TBC1D12: variants seen among roughly 807,000 people sequenced by gnomAD.
The protein encoded by TBC1D12 is TBC1 domain family, member 12.
TBC1D12 carries 56 observed loss-of-function variants against 86.7 expected under a neutral mutation model. The ratio of observed to expected loss-of-function variants is 0.65; its 90% CI spans 0.52 to 0.81. The LOEUF is 0.81. TBC1D12 is among the 30% of genes least tolerant of loss of function. The pLI is 0.00. For synonymous variants in TBC1D12, 421 were observed against 411.7 expected, an observed-to-expected ratio of 1.02 and a Z score of -0.27; for missense variants, 1,023 against 1,038.8, an observed-to-expected ratio of 0.98 and a Z score of 0.21.
At chr10:94,515,372 G>A (rs1484816122) in intron 9 of TBC1D12, among the ~76,000 whole-genome samples, 14 of 151,726 alleles carry the variant, frequency 9.2e-5, no homozygotes, top group African/African-American at 3.4e-4. Context: ...TTTGAGACGG[G>A]GTTTCGCTCT....
intron 2 of TBC1D12, among the ~76,000 whole-genome samples, chr10:94,464,565 A>C (rs2055778581): frequency 2.0e-5 from 3 of 152,182 alleles, no homozygotes. Flanking sequence ...TCCTGGGCTC[A>C]AGCCATCCTC....
At chr10:94,410,751 G>C (rs1000174860) in intron 1 of TBC1D12, among the ~76,000 whole-genome samples, 3 of 152,196 alleles carry the variant, frequency 2.0e-5, no homozygotes, top group Non-Finnish European at 4.4e-5. Flanking sequence ...TTTTGGTGTA[G>C]TGAAAATACA....
At chr10:94,433,757 A>G (rs190592371) in intron 1 of TBC1D12, among the ~76,000 whole-genome samples, 150 of 152,298 alleles carry the variant, frequency 9.8e-4, no homozygotes, top group Non-Finnish European at 1.2e-3. Flanking sequence ...AGGTCACATT[A>G]TTTGAAGCTA....
chr10:94,474,520 A>G, intron 2 of TBC1D12, 148 bp from the exon 3 acceptor site: 2 of 617,358 alleles, frequency 3.2e-6, no homozygotes, highest in Non-Finnish European at 5.3e-6. Flanking sequence ...AAAAACTTTT[A>G]TTTTTTGTCT....
At chr10:94,531,704 GTTATT>G (rs1274493260) in intron 12 of TBC1D12, among the ~76,000 whole-genome samples, 1 of 76,408 alleles carries the variant, frequency 1.3e-5, no homozygotes, top group East Asian at 7.1e-4. Flanking sequence ...TTTATGTTAT[GTTATT>G]TTATGTTATT....
At chr10:94,461,210 TG>T (rs2055724157) in intron 2 of TBC1D12, among the ~76,000 whole-genome samples, 1 of 152,162 alleles carries the variant, frequency 6.6e-6, no homozygotes, top group South Asian at 2.1e-4. Context: ...TGGTAAGGTG[TG>T]GGAAAAGGGG....
At chr10:94,453,585 T>A (rs566070480) in intron 2 of TBC1D12, among the ~76,000 whole-genome samples, 3 of 152,286 alleles carry the variant, frequency 2.0e-5, no homozygotes, top group South Asian at 4.1e-4. Flanking sequence ...AGGCATCCAC[T>A]GGGGATCTTA....
chr10:94,441,189 A>G lies in TBC1D12; in HGVS notation c.972-707A>G, dbSNP rs74788817. 1.9e-3 allele frequency among the ~76,000 whole-genome samples: 282 copies of G among 150,774 alleles called. 10 individuals carry two copies. In the East Asian group the frequency reaches 0.053, roughly 29 times the overall value. Reference sequence around the variant, plus strand: ...TTTTCTAGATTTTTCAGTGAGAGATACTTTCTTCCTTGGTTATATATTGAC... The same window carrying G: ...TTTTCTAGATTTTTCAGTGAGAGATGCTTTCTTCCTTGGTTATATATTGAC... On this transcript the variant is annotated intron_variant, in intron 1 of 12. Coordinates refer to ENST00000225235, the MANE Select transcript of TBC1D12 (RefSeq NM_015188.2).
At chr10:94,472,496 G>C (rs900430568) in intron 2 of TBC1D12, among the ~76,000 whole-genome samples, 1 of 152,030 alleles carries the variant, frequency 6.6e-6, no homozygotes, top group African/African-American at 2.4e-5. Flanking sequence ...CTATGTGCTT[G>C]GCCTTTGTTT....
chr10:94,430,115 T>G (rs2055195921), intron 1 of TBC1D12, among the ~76,000 whole-genome samples: 1 of 152,140 alleles, frequency 6.6e-6, no homozygotes, highest in South Asian at 2.1e-4. Flanking sequence ...GGCCTCGAAC[T>G]CCAGGGCTCA....
intron 1 of TBC1D12, among the ~76,000 whole-genome samples, chr10:94,423,039 G>T (rs1405806442): frequency 6.6e-6 from 1 of 152,236 alleles, no homozygotes. Context: ...GTTTGATGCT[G>T]CAGTGAGCCA....
chr10:94,440,455 A>T (rs1241312025), intron 1 of TBC1D12, among the ~76,000 whole-genome samples: 1 of 152,164 alleles, frequency 6.6e-6, no homozygotes, highest in East Asian at 1.9e-4. Context: ...GATTACAGGC[A>T]TGAGCCACTA....
At position 94,403,429 on chromosome 10, in the gene TBC1D12, C is replaced by T. The variant is rs778730118; in HGVS notation, c.816C>T (p.Asn272=). 1.9e-6 allele frequency: 3 copies of T among 1,549,860 alleles called. No individual in the cohort carries two copies. Among genetic ancestry groups the T allele is most frequent in the African/African-American group, 2.8e-5 (2 of 71,786 alleles). ...TGGGCTTTTCTGACATTCACTTCAA[C>T]TCTCGCAACACGTTCCAGGTGAGCC... ...PRLGFSDIHF[N]SRNTFQVSRG... The change falls in exon 1 of 13, where the codon AAC becomes AAT. Residue 272 remains asparagine (N), a synonymous_variant. Transcript: ENST00000225235.
intron 2 of TBC1D12, chr10:94,447,783 A>G (rs2055491780): frequency 1.9e-6 from 1 of 532,000 alleles, no homozygotes; most frequent in African/African-American, 2.1e-5. Context: ...GTAAAGTTGG[A>G]ATAGCTACAT....
At chr10:94,410,607 A>C (rs1194655057) in intron 1 of TBC1D12, among the ~76,000 whole-genome samples, 2 of 151,930 alleles carry the variant, frequency 1.3e-5, no homozygotes, top group African/African-American at 2.4e-5. Flanking sequence ...GTTTATTTTT[A>C]TTTTACAGTT....
chr10:94,536,036 C>T lies in TBC1D12; in HGVS notation c.*2940C>T, dbSNP rs931407258. 3.3e-5 allele frequency: 5 copies of T among 152,028 alleles called. No homozygotes were observed. The highest frequency in any genetic ancestry group is 9.7e-5 in the African/African-American group (4 of 41,414). 9.4% of individuals were successfully genotyped at this position (152,028 alleles called of 1,614,324 possible). ...TGTTTTTGTTTGCCAAATTTGTCTT[C>T]CAAGGAATGCACTAAGCCTTCAGTC... is the stretch of plus-strand genomic sequence containing the variant. On this transcript the variant is annotated 3_prime_UTR_variant, in exon 13 of 13. Transcript: ENST00000225235.
chr10:94,478,963 A>G (rs2056036097), intron 3 of TBC1D12, among the ~76,000 whole-genome samples: 1 of 152,224 alleles, frequency 6.6e-6, no homozygotes, highest in African/African-American at 2.4e-5. Flanking sequence ...TCAAAAAAAA[A>G]AAGTGGAAAT....
intron 2 of TBC1D12, among the ~76,000 whole-genome samples, chr10:94,450,693 C>T (rs1179673042): frequency 6.6e-6 from 1 of 152,016 alleles, no homozygotes; most frequent in African/African-American, 2.4e-5. Context: ...ATCAGTATAT[C>T]AAGGAGACAT....
chr10:94,424,640 C>G (rs1395508487), intron 1 of TBC1D12, among the ~76,000 whole-genome samples: 1 of 152,048 alleles, frequency 6.6e-6, no homozygotes, highest in Non-Finnish European at 1.5e-5. Context: ...AAAGAATAGC[C>G]CTTCAGCAAC....
Sources: allele counts gnomAD v4.1 joint callset (sites outside exome capture counted in the v4.1 genomes callset), GRCh38; gene constraint gnomAD v4.1.1; transcripts MANE v1.5; gene names NCBI Gene and HGNC (gene_info 2026-07-23, HGNC 2026-07-21).